Variants in GRIA1 observed in about 807,000 individuals in gnomAD.
GRIA1 encodes the protein glutamate ionotropic receptor AMPA type subunit 1, also known as glutamate receptor 1.
GRIA1 carries 31 observed loss-of-function variants against 99.2 expected under a neutral mutation model. The observed-to-expected ratio is 0.31, with a 90% CI of 0.23 to 0.42. The LOEUF (loss-of-function observed/expected upper bound fraction) is 0.42, where lower values mean the gene tolerates loss of function less well. GRIA1 is among the 10% of genes least tolerant of loss of function. The pLI, the probability that GRIA1 is intolerant of heterozygous loss-of-function variation, is 1.00. For missense variants in GRIA1, 782 were observed against 1,157.5 expected, an observed-to-expected ratio of 0.68 and a Z score of 4.71; for synonymous variants, 438 against 432.4, an observed-to-expected ratio of 1.01 and a Z score of -0.16.
At position 153,688,508 on chromosome 5, in the gene GRIA1, G is replaced by A. The variant is rs929568633; in HGVS notation, c.1134+2179G>A. Among the ~76,000 whole-genome samples, 11 of 152,102 alleles carry A rather than the reference G, an allele frequency of 7.2e-5. 1 individual carries two copies. The highest frequency in any genetic ancestry group is 3.9e-4 in the Admixed American group (6 of 15,274). On this transcript the variant is annotated intron_variant, in intron 8 of 15. Transcript: ENST00000285900. The stretch of plus-strand genomic sequence containing the variant: ...GGGCACAGATCATGTCTGCATTAGC[G>A]CCTGATCACTGTTCAGTGAATGTTA...
At chr5:153,634,210 C>T (rs533787202) in intron 2 of GRIA1, among the ~76,000 whole-genome samples, 7 of 150,922 alleles carry the variant, frequency 4.6e-5, no homozygotes, top group East Asian at 3.9e-4. Flanking sequence ...CCCAGCTACT[C>T]GGGAGGCTGA....
At chr5:153,614,915 A>C (rs1253248655) in intron 2 of GRIA1, among the ~76,000 whole-genome samples, 1 of 152,240 alleles carries the variant, frequency 6.6e-6, no homozygotes, top group East Asian at 1.9e-4. Context: ...ATACAGAGTC[A>C]ATTGAAGAGG....
At chr5:153,544,533 G>A (rs116346448) in intron 2 of GRIA1, among the ~76,000 whole-genome samples, 3,820 of 152,280 alleles carry the variant, frequency 0.025, 75 homozygotes, top group Non-Finnish European at 0.038. Flanking sequence ...AATGACCTAA[G>A]ATAAAGTTAA....
At chr5:153,737,778 T>C (rs1442973208) in intron 11 of GRIA1, among the ~76,000 whole-genome samples, 3 of 152,228 alleles carry the variant, frequency 2.0e-5, no homozygotes, top group African/African-American at 4.8e-5. Context: ...GTGTTTTACA[T>C]ACAGATGGGG....
chr5:153,657,680 G>C (rs1430469273), intron 5 of GRIA1, among the ~76,000 whole-genome samples: 2 of 152,116 alleles, frequency 1.3e-5, no homozygotes, highest in Non-Finnish European at 2.9e-5. Context: ...TTCTGACCTG[G>C]TATCCAGCCT....
chr5:153,599,141 C>T (rs992933553), intron 2 of GRIA1, among the ~76,000 whole-genome samples: 6 of 152,162 alleles, frequency 3.9e-5, no homozygotes, highest in Admixed American at 2.6e-4. Flanking sequence ...CTCAGCCTGC[C>T]AAAGTGCTGG....
intron 1 of GRIA1, chr5:153,492,114 A>G: frequency 1.4e-6 from 2 of 1,419,080 alleles, no homozygotes; most frequent in East Asian, 2.6e-5. Flanking sequence ...CACTAGGGAA[A>G]GTTCGCATTG....
At chr5:153,528,343 C>A (rs145390442) in intron 2 of GRIA1, among the ~76,000 whole-genome samples, 1 of 152,048 alleles carries the variant, frequency 6.6e-6, no homozygotes, top group Non-Finnish European at 1.5e-5. Context: ...TTGTGTCTTT[C>A]AGGATTATAG....
At position 153,690,146 on chromosome 5, in the gene GRIA1, C is replaced by G. The variant is rs1402381202; in HGVS notation, c.1134+3817C>G. ...AGAGATGAAGCCTAGGAATCTGCAC[C>G]TTCTTGAATCCTCCTCTCCAACCCA... On this transcript the variant is annotated intron_variant, in intron 8 of 15. Transcript: ENST00000285900. Among the ~76,000 whole-genome samples, 3 of 152,230 alleles carry G rather than the reference C, an allele frequency of 2.0e-5. No individual in the cohort carries two copies. The East Asian group carries it at 5.8e-4, about 29-fold the overall frequency.
At chr5:153,622,923 T>C (rs917995955) in intron 2 of GRIA1, among the ~76,000 whole-genome samples, 4 of 152,192 alleles carry the variant, frequency 2.6e-5, no homozygotes, top group African/African-American at 7.2e-5. Context: ...CACTCAGTCT[T>C]ATGTAAATAG....
At chr5:153,788,482 G>T (rs114253636) in intron 13 of GRIA1, among the ~76,000 whole-genome samples, 2,028 of 152,222 alleles carry the variant, frequency 0.013, 45 homozygotes, top group African/African-American at 0.046. Context: ...ATCCTGGCCT[G>T]CAGAGTCCCT....
At chr5:153,710,696 C>T (rs546536823) in intron 11 of GRIA1, among the ~76,000 whole-genome samples, 52 of 152,256 alleles carry the variant, frequency 3.4e-4, no homozygotes, top group Admixed American at 2.4e-3. Context: ...TAACTGCCTA[C>T]GACATGCAGG....
intron 13 of GRIA1, among the ~76,000 whole-genome samples, chr5:153,790,980 AC>A (rs1412712622): frequency 3.9e-5 from 6 of 152,234 alleles, no homozygotes; most frequent in Non-Finnish European, 5.9e-5. Flanking sequence ...CATGTGAAAT[AC>A]AACCTTTTCT....
At chr5:153,712,139 C>A (rs1027846095) in intron 11 of GRIA1, among the ~76,000 whole-genome samples, 3 of 152,154 alleles carry the variant, frequency 2.0e-5, no homozygotes, top group African/African-American at 7.2e-5. Context: ...GTAACCTCCA[C>A]CTCCCGGGTT....
At chr5:153,712,605 T>C (rs1475387973) in intron 11 of GRIA1, among the ~76,000 whole-genome samples, 2 of 129,602 alleles carry the variant, frequency 1.5e-5, no homozygotes, top group East Asian at 3.9e-4. Flanking sequence ...TGTAGTATTG[T>C]GGGGAAGAGA....
intron 2 of GRIA1, among the ~76,000 whole-genome samples, chr5:153,576,736 A>G (rs936013331): frequency 7.9e-5 from 12 of 152,206 alleles, no homozygotes; most frequent in Non-Finnish European, 1.5e-4. Flanking sequence ...TCACTTGCCA[A>G]GTTATACTAA....
Position 153,705,662 on chromosome 5 carries a change from ATTTTTTTTTTTTTTTTTT to A in GRIA1, c.1453-21_1453-4del. On this transcript the variant is annotated splice_polypyrimidine_tract_variant and intron_variant, in intron 10 of 15. Coordinates refer to ENST00000285900, the MANE Select transcript of GRIA1 (RefSeq NM_000827.4). ...GAAAAGGGCTGCTGAGCTCACCTGCATTTTTTTTTTTTTTTTTTTTTTTTTTTTTTTCAGAGAGCAGAT... is the reference window on the plus strand; with the variant it reads ...GAAAAGGGCTGCTGAGCTCACCTGCATTTTTTTTTTTTTCAGAGAGCAGAT... 5.3e-6 allele frequency: 4 copies of A among 750,698 alleles called. No homozygotes were observed. Among genetic ancestry groups the A allele is most frequent in the Non-Finnish European group, 6.9e-6 (4 of 578,470 alleles). The allele number at this position is 750,698 out of a possible 1,614,324, so 46.5% of individuals were successfully genotyped here.
intron 2 of GRIA1, among the ~76,000 whole-genome samples, chr5:153,592,691 T>C (rs889970061): frequency 3.9e-5 from 6 of 152,200 alleles, no homozygotes; most frequent in African/African-American, 1.2e-4. Flanking sequence ...ATTTTACCTT[T>C]GTATCTCTTG....
chr5:153,724,681 A>T (rs1760368313), intron 11 of GRIA1, among the ~76,000 whole-genome samples: 2 of 151,990 alleles, frequency 1.3e-5, no homozygotes, highest in Non-Finnish European at 2.9e-5. Flanking sequence ...ATGAAGCGAG[A>T]AGGGAAGTTT....
Sources: gnomAD v4.1 joint callset for allele counts (sites outside exome capture counted in the v4.1 genomes callset) on GRCh38, gnomAD v4.1.1 for gene constraint, MANE v1.5 for transcripts, NCBI Gene and HGNC (gene_info 2026-07-23, HGNC 2026-07-21) for gene names.